The following BSPH1 variants were observed in gnomAD, a reference collection of about 807,000 sequenced individuals.
BSPH1 encodes binder of sperm 1.
A neutral mutation model predicts 22.5 loss-of-function variants in BSPH1; 21 were observed. The ratio of observed to expected loss-of-function variants is 0.93; its 90% confidence interval spans 0.66 to 1.35. The LOEUF (loss-of-function observed/expected upper bound fraction) is 1.35, where lower values mean the gene tolerates loss of function less well. Ranked by LOEUF, BSPH1 falls within the 40% of genes most tolerant of loss-of-function variation. BSPH1 has a pLI of 0.00. For synonymous variants in BSPH1, 42 were observed against 53.6 expected (o/e 0.78, Z 0.95); for missense variants, 141 against 154.2 (o/e 0.91, Z 0.45).
chr19:47,972,187 A>G (rs181583678), intron 5 of BSPH1, among the ~76,000 whole-genome samples: 2 of 152,322 alleles, frequency 1.3e-5, no homozygotes, highest in African/African-American at 4.8e-5. Context: ...TAGATTTCAC[A>G]ATTTAACAAG....
At chr19:47,977,607 T>C (rs759085402) in intron 3 of BSPH1, 103 bp from the exon 4 acceptor site, 2 of 1,480,662 alleles carry the variant, frequency 1.4e-6, no homozygotes, top group Non-Finnish European at 9.0e-7. Flanking sequence ...TCAGAGTCAT[T>C]GGCTGTGGCT....
At position 47,985,055 on chromosome 19, in the gene BSPH1, CTCTG is replaced by C. The variant is rs560619044; in HGVS notation, c.74-4118_74-4115del. On this transcript the variant is annotated intron_variant, in intron 1 of 5. Coordinates refer to ENST00000344839, the MANE Select transcript of BSPH1 (RefSeq NM_001128326.2). ...GCACTCCAGTCTGGGCAATACAAGACTCTGTCTGAAAAAAAAAAAAAAAGAAAGA... is the reference window on the plus strand; with the variant it reads ...GCACTCCAGTCTGGGCAATACAAGACTCTGAAAAAAAAAAAAAAAGAAAGA... Among the ~76,000 whole-genome samples, 41 of 134,620 alleles carry C rather than the reference CTCTG, an allele frequency of 3.0e-4. No individual in the cohort carries two copies. The East Asian group carries it at 7.8e-3, about 25-fold the overall frequency. The allele number at this position is 134,620 out of a possible 152,430, so 88.3% of individuals were successfully genotyped here.
intron 5 of BSPH1, among the ~76,000 whole-genome samples, chr19:47,974,269 CTTTT>C (rs558434334): frequency 3.9e-5 from 3 of 75,988 alleles, no homozygotes; most frequent in African/African-American, 1.6e-4. Context: ...CTCTCTCTCT[CTTTT>C]TTTTTTTTTT....
intron 2 of BSPH1, among the ~76,000 whole-genome samples, chr19:47,980,644 AGT>A: frequency 6.6e-6 from 1 of 151,652 alleles, no homozygotes; most frequent in East Asian, 1.9e-4. Context: ...AATTTTTTGT[AGT>A]TTTTTAGTAG....
Position 47,978,011 on chromosome 19 carries a change from T to TATATATAC in BSPH1, c.125-508_125-507insGTATATAT, listed in dbSNP as rs755754686. ...GTATGGTTAATACAGGATATATATA[T>TATATATAC]ATATATATATATATATATAGTTATA... On this transcript the variant is annotated intron_variant, in intron 3 of 5. Transcript: ENST00000344839. 7.9e-4 allele frequency among the ~76,000 whole-genome samples: 83 copies of TATATATAC among 105,076 alleles called. 2 individuals carry two copies. Among genetic ancestry groups the TATATATAC allele is most frequent in the African/African-American group, 3.2e-3 (80 of 25,220 alleles). The allele number at this position is 105,076 out of a possible 152,430, so 68.9% of individuals were successfully genotyped here.
At chr19:47,989,633 A>C (rs1969504330) in intron 1 of BSPH1, among the ~76,000 whole-genome samples, 1 of 151,990 alleles carries the variant, frequency 6.6e-6, no homozygotes, top group African/African-American at 2.4e-5. Flanking sequence ...GTTCCAACGA[A>C]GCTTAGCCTA....
rs1317342130 is a variant in BSPH1 at position 47,975,908 on chromosome 19, AC to A, written c.*2+801del. ...CTGACCTCGTGATCCACCCGCCTCG[AC>A]CTCCCAAAGTGCTGGGATTACAGGC... On this transcript the variant is annotated intron_variant, in intron 5 of 5. Coordinates refer to ENST00000344839, the MANE Select transcript of BSPH1 (RefSeq NM_001128326.2). 3.0e-4 allele frequency among the ~76,000 whole-genome samples: 44 copies of A among 149,016 alleles called. 1 individual carries two copies. The highest frequency in any genetic ancestry group is 6.4e-4 in the Non-Finnish European group (43 of 66,994).
chr19:47,976,926 C>A, intron 4 of BSPH1, 72 bp from the exon 5 acceptor site: 1 of 1,344,730 alleles, frequency 7.4e-7, no homozygotes, highest in African/African-American at 1.5e-5. Context: ...CCACACCATG[C>A]ACACACATGC....
At position 47,969,684 on chromosome 19, in the gene BSPH1, G is replaced by GGGGAGAGA. The variant is rs1162877914; in HGVS notation, c.*3-1476_*3-1475insTCTCTCCC. Among the ~76,000 whole-genome samples the GGGGAGAGA allele has an allele frequency of 4.1e-3, 466 of 113,856 alleles. 1 individual carries two copies. The highest frequency in any genetic ancestry group is 7.4e-3 in the African/African-American group (180 of 24,196). 74.7% of individuals were successfully genotyped at this position (113,856 alleles called of 152,430 possible). ...CACTACCTGTAAGGCAGGGAGAGGG[G>GGGGAGAGA]GAGAGAGAGAGAGAGAGAGAGAGAG... On this transcript the variant is annotated intron_variant, in intron 5 of 5. Transcript: ENST00000344839.
intron 3 of BSPH1, among the ~76,000 whole-genome samples, chr19:47,978,001 G>GAGAT (rs376259844): frequency 5.4e-5 from 6 of 110,458 alleles, no homozygotes; most frequent in Non-Finnish European, 1.1e-4. Context: ...GTTAATACAG[G>GAGAT]ATATATATAT....
At chr19:47,980,985 T>A (rs984367738) in intron 1 of BSPH1, 44 bp from the exon 2 acceptor site, 5 of 1,109,192 alleles carry the variant, frequency 4.5e-6, no homozygotes, top group Non-Finnish European at 6.4e-6. Flanking sequence ...CACTTTAAAA[T>A]AAAAGAGATG....
chr19:47,981,673 C>T (rs1389958815), intron 1 of BSPH1: 1 of 758,198 alleles, frequency 1.3e-6, no homozygotes, highest in African/African-American at 1.9e-5. Context: ...CCTCAGTTTA[C>T]TCTGCTGTAA....
chr19:47,978,054 A>G (rs1023641805), intron 3 of BSPH1, among the ~76,000 whole-genome samples: 1 of 145,602 alleles, frequency 6.9e-6, no homozygotes, highest in Non-Finnish European at 1.5e-5. Flanking sequence ...ACACACATAC[A>G]GGCACACATA....
Position 47,991,076 on chromosome 19 carries a change from A to G in BSPH1, c.73+933T>C, listed in dbSNP as rs574702640. ...TTTCTTTCTTAAGGTACCTAAAGCA[A>G]GGGAGACTGTTGCCCTCCATGGCGA... On this transcript the variant is annotated intron_variant, in intron 1 of 5. Coordinates refer to ENST00000344839, the MANE Select transcript of BSPH1 (RefSeq NM_001128326.2). Among the ~76,000 whole-genome samples, 8 of 152,316 alleles carry G rather than the reference A, an allele frequency of 5.3e-5. No homozygotes were observed. In the South Asian group the frequency reaches 1.7e-3, roughly 32 times the overall value.
chr19:47,967,667 A>G (rs192873066), downstream of BSPH1, among the ~76,000 whole-genome samples: 2 of 152,234 alleles, frequency 1.3e-5, no homozygotes, highest in Admixed American at 6.5e-5. Flanking sequence ...TACTCTGAAT[A>G]CCTCATCTTA....
chr19:47,969,684 G>GGGGGGAGAGA (rs1162877914), intron 5 of BSPH1, among the ~76,000 whole-genome samples: 1 of 113,858 alleles, frequency 8.8e-6, no homozygotes, highest in Non-Finnish European at 1.7e-5. Context: ...AGGGAGAGGG[G>GGGGGGAGAGA]GAGAGAGAGA....
intron 2 of BSPH1, chr19:47,980,364 A>G (rs1969407323): frequency 2.3e-6 from 1 of 438,614 alleles, no homozygotes; most frequent in South Asian, 9.4e-5. Flanking sequence ...CTTCTTTTCC[A>G]GAATACTTGA....
chr19:47,989,307 G>T (rs1036990761), intron 1 of BSPH1, among the ~76,000 whole-genome samples: 4 of 151,620 alleles, frequency 2.6e-5, no homozygotes, highest in African/African-American at 9.7e-5. Context: ...CACCATGCCC[G>T]GCTAATTGTT....
chr19:47,976,638 C>A, intron 5 of BSPH1, 72 bp downstream of exon 5: 2 of 1,213,652 alleles, frequency 1.6e-6, no homozygotes, highest in Non-Finnish European at 1.2e-6. Context: ...TCTCCTCTGC[C>A]AACAAAAACT....
Sources: gnomAD v4.1 joint callset for allele counts (sites outside exome capture counted in the v4.1 genomes callset) on GRCh38, gnomAD v4.1.1 for gene constraint, MANE v1.5 for transcripts, NCBI Gene and HGNC (gene_info 2026-07-23, HGNC 2026-07-21) for gene names.